The following HHIPL1 variants were observed in gnomAD, a reference collection of about 807,000 sequenced individuals.
HHIPL1 encodes HHIP like 1, also known as HHIP-like protein 1.
Under a neutral mutation model 61.8 loss-of-function variants are expected in HHIPL1, and 43 were observed. That is an observed-to-expected ratio of 0.70 (90% CI 0.55 to 0.90). The LOEUF (loss-of-function observed/expected upper bound fraction) is 0.90, where lower values mean the gene tolerates loss of function less well. Among genes scored for constraint, HHIPL1 ranks in the 40% least tolerant of loss-of-function variants. The pLI, the probability that HHIPL1 is intolerant of heterozygous loss-of-function variation, is 0.00. For missense variants in HHIPL1, 1,056 were observed against 1,157.7 expected (o/e 0.91, Z 1.28); for synonymous variants, 482 against 515.8 (o/e 0.93, Z 0.89).
At chr14:99,627,245 C>CACCT in the HHIPL1 span, among the ~76,000 whole-genome samples, 2 of 150,874 alleles carry the variant, frequency 1.3e-5, no homozygotes, top group Non-Finnish European at 3.0e-5. This position sits in a 1 kb window ranked among gnomAD's most constrained non-coding sequence, Gnocchi z 4.4. Flanking sequence ...TCCACTCACC[C>CACCT]ACCTACCTAC....
At chr14:99,609,400 C>A in the HHIPL1 span, among the ~76,000 whole-genome samples, 2 of 152,212 alleles carry the variant, frequency 1.3e-5, no homozygotes, top group African/African-American at 4.8e-5. Flanking sequence ...ATATTTCTAC[C>A]CATTTTCCAG....
the HHIPL1 span, among the ~76,000 whole-genome samples, chr14:99,632,882 T>A: frequency 2.3e-4 from 34 of 150,626 alleles, no homozygotes; most frequent in African/African-American, 5.6e-4. Context: ...GGTGTGTGTG[T>A]GAGAGAGAGA....
At chr14:99,637,049 A>G in the HHIPL1 span, among the ~76,000 whole-genome samples, 43 of 94,164 alleles carry the variant, frequency 4.6e-4, 3 homozygotes, top group Middle Eastern at 5.6e-3. Context: ...GAAAGAAAGA[A>G]GGAAGGAAGG....
chr14:99,620,984 T>A, the HHIPL1 span, among the ~76,000 whole-genome samples: 515 of 152,336 alleles, frequency 3.4e-3, no homozygotes, highest in African/African-American at 0.012. Context: ...TCCCTGTCCC[T>A]AGAGGTGAAC....
intron 3 of HHIPL1, among the ~76,000 whole-genome samples, chr14:99,658,419 A>G (rs1411101772): frequency 6.6e-6 from 1 of 152,156 alleles, no homozygotes; most frequent in Non-Finnish European, 1.5e-5. Flanking sequence ...ATCACAAGGC[A>G]TATATCGGGT....
chr14:99,604,543 C>A, the HHIPL1 span: 4 of 152,122 alleles, frequency 2.6e-5, no homozygotes, highest in Admixed American at 6.5e-5. Flanking sequence ...CGGCTCCCGG[C>A]GGTTCAAGTT....
chr14:99,650,883 G>A (rs1370158463), intron 1 of HHIPL1, among the ~76,000 whole-genome samples: 3 of 152,248 alleles, frequency 2.0e-5, no homozygotes, highest in Non-Finnish European at 4.4e-5. Flanking sequence ...CCTGCAAAGG[G>A]AACAGCCTGT....
intron 2 of HHIPL1, among the ~76,000 whole-genome samples, chr14:99,656,299 A>G (rs1246537801): frequency 6.6e-6 from 1 of 152,188 alleles, no homozygotes; most frequent in East Asian, 1.9e-4. Flanking sequence ...ACAAAACACT[A>G]GGCCAGAACG....
the HHIPL1 span, among the ~76,000 whole-genome samples, chr14:99,637,263 A>G: frequency 1.2e-4 from 18 of 148,564 alleles, no homozygotes; most frequent in African/African-American, 4.2e-4. Flanking sequence ...AAAGAAAGAA[A>G]GAAAAAGTGT....
At chr14:99,657,443 C>T (rs1422866756) in intron 3 of HHIPL1, among the ~76,000 whole-genome samples, 1 of 152,162 alleles carries the variant, frequency 6.6e-6, no homozygotes, top group Non-Finnish European at 1.5e-5. Context: ...CATTAGCGAG[C>T]CTCAGGGCAG....
intron 1 of HHIPL1, 62 bp from the exon 2 acceptor site, chr14:99,652,162 A>G: frequency 6.7e-7 from 1 of 1,490,482 alleles, no homozygotes; most frequent in Non-Finnish European, 9.0e-7. Flanking sequence ...GACCCGCCCA[A>G]GGTAACCTTG....
At chr14:99,672,790 G>C (rs918862610) in intron 8 of HHIPL1, among the ~76,000 whole-genome samples, 3 of 152,162 alleles carry the variant, frequency 2.0e-5, no homozygotes, top group African/African-American at 7.2e-5. Context: ...GAGGAGAGAC[G>C]ACAGAGCAGG....
chr14:99,617,152 A>G, the HHIPL1 span, among the ~76,000 whole-genome samples: 1 of 152,186 alleles, frequency 6.6e-6, no homozygotes, highest in Non-Finnish European at 1.5e-5. Context: ...AATTAAGAAG[A>G]GACACATAAT....
chr14:99,637,042 A>AGAAG, the HHIPL1 span, among the ~76,000 whole-genome samples: 3 of 121,662 alleles, frequency 2.5e-5, no homozygotes, highest in Non-Finnish European at 5.3e-5. Flanking sequence ...AAAGAAAGAA[A>AGAAG]GAAAGAAGGA....
chr14:99,636,638 T>C, the HHIPL1 span, among the ~76,000 whole-genome samples: 2 of 151,896 alleles, frequency 1.3e-5, no homozygotes, highest in African/African-American at 4.8e-5. Flanking sequence ...TGCCCTTTAG[T>C]GTAGACGAAT....
intron 1 of HHIPL1, among the ~76,000 whole-genome samples, chr14:99,646,798 ATATGATATG>A (rs2055842557): frequency 3.3e-5 from 3 of 91,096 alleles, no homozygotes; most frequent in African/African-American, 9.1e-5. Flanking sequence ...ATATAATATG[ATATGATATG>A]ATATGATATG....
chr14:99,670,552 AC>A (rs2056316455), intron 7 of HHIPL1, among the ~76,000 whole-genome samples: 1 of 150,800 alleles, frequency 6.6e-6, no homozygotes, highest in African/African-American at 2.4e-5. Flanking sequence ...TGTTTACCAG[AC>A]TTTTTTTTTT....
At chr14:99,639,360 A>T in the HHIPL1 span, among the ~76,000 whole-genome samples, 12 of 152,086 alleles carry the variant, frequency 7.9e-5, no homozygotes, top group East Asian at 1.9e-4. Flanking sequence ...TATTATTATT[A>T]TTTTTTTGAG....
chr14:99,640,955 T>C (rs1258570493), upstream of HHIPL1, among the ~76,000 whole-genome samples: 1 of 149,048 alleles, frequency 6.7e-6, no homozygotes, highest in East Asian at 2.0e-4. Flanking sequence ...GGTGCGATCT[T>C]GGCTCACTGC....
Sources: allele counts gnomAD v4.1 joint callset (sites outside exome capture counted in the v4.1 genomes callset), GRCh38; gene constraint gnomAD v4.1.1; non-coding constraint Gnocchi (gnomAD v3.1); transcripts MANE v1.5; gene names NCBI Gene and HGNC (gene_info 2026-07-23, HGNC 2026-07-21).